The following CFAP61 variants were observed in gnomAD, a reference collection of about 807,000 sequenced individuals.
The protein encoded by CFAP61 is cilia- and flagella-associated protein 61.
Under a neutral mutation model 135.6 loss-of-function variants are expected in CFAP61, and 107 were observed. The observed-to-expected ratio is 0.79, with a 90% CI of 0.67 to 0.93. The LOEUF (loss-of-function observed/expected upper bound fraction) is 0.93, where lower values mean the gene tolerates loss of function less well. Among genes scored for constraint, CFAP61 ranks in the 40% least tolerant of loss-of-function variants. CFAP61 has a pLI of 0.00. For missense variants in CFAP61, 1,507 were observed against 1,556.2 expected, an observed-to-expected ratio of 0.97 and a Z score of 0.53; for synonymous variants, 575 against 578.5, an observed-to-expected ratio of 0.99 and a Z score of 0.09.
intron 25 of CFAP61, among the ~76,000 whole-genome samples, chr20:20,319,781 T>C (rs961657278): frequency 6.6e-6 from 1 of 152,202 alleles, no homozygotes; most frequent in African/African-American, 2.4e-5. Context: ...TTAGTGCTCA[T>C]AAATGAAGGA....
chr20:20,234,236 C>A (rs1201452235), intron 18 of CFAP61, among the ~76,000 whole-genome samples: 2 of 152,176 alleles, frequency 1.3e-5, no homozygotes, highest in African/African-American at 4.8e-5. Flanking sequence ...CTGTGGACAT[C>A]TGAGGTCAGA....
chr20:20,270,677 A>C (rs990609157), intron 21 of CFAP61, among the ~76,000 whole-genome samples: 6 of 106,342 alleles, frequency 5.6e-5, no homozygotes, highest in African/African-American at 2.3e-4. Flanking sequence ...TTGGTGCATT[A>C]TTCTTTTTTT....
intron 8 of CFAP61, among the ~76,000 whole-genome samples, chr20:20,106,623 T>G (rs1285405528): frequency 2.0e-5 from 3 of 152,252 alleles, no homozygotes; most frequent in Non-Finnish European, 4.4e-5. Context: ...GTGCTGGGAT[T>G]ATTTTCTCAG....
At chr20:20,161,412 C>A (rs1294194017) in intron 10 of CFAP61, among the ~76,000 whole-genome samples, 1 of 152,066 alleles carries the variant, frequency 6.6e-6, no homozygotes, top group Non-Finnish European at 1.5e-5. Context: ...GGGCACAAAT[C>A]CACAAAGGTG....
At chr20:20,167,720 C>G (rs551131886) in intron 12 of CFAP61, among the ~76,000 whole-genome samples, 3 of 152,196 alleles carry the variant, frequency 2.0e-5, no homozygotes, top group Non-Finnish European at 4.4e-5. Context: ...CTCAGGTTCC[C>G]CAAAAGGAGT....
At chr20:20,224,522 T>A (rs192171139) in intron 17 of CFAP61, among the ~76,000 whole-genome samples, 131 of 152,306 alleles carry the variant, frequency 8.6e-4, no homozygotes, top group African/African-American at 3.1e-3. Context: ...AAGGTTAGCT[T>A]ATACACCATG....
At chr20:20,151,154 A>C (rs1056513282) in intron 9 of CFAP61, among the ~76,000 whole-genome samples, 1 of 152,138 alleles carries the variant, frequency 6.6e-6, no homozygotes, top group African/African-American at 2.4e-5. Flanking sequence ...ATTTTTTAAA[A>C]AAATACAAGA....
chr20:20,152,349 G>T (rs1280013134), intron 9 of CFAP61, among the ~76,000 whole-genome samples: 1 of 149,480 alleles, frequency 6.7e-6, no homozygotes, highest in Non-Finnish European at 1.5e-5. Flanking sequence ...CTAGCATGTT[G>T]AATAAAACAG....
intron 17 of CFAP61, among the ~76,000 whole-genome samples, chr20:20,223,869 A>C (rs891100253): frequency 6.6e-6 from 1 of 152,250 alleles, no homozygotes; most frequent in Non-Finnish European, 1.5e-5. Flanking sequence ...AAAAGATCAA[A>C]TTTAATCCTA....
chr20:20,326,310 C>A (rs1371884252), intron 25 of CFAP61, among the ~76,000 whole-genome samples: 8 of 151,914 alleles, frequency 5.3e-5, no homozygotes, highest in Non-Finnish European at 1.0e-4. Context: ...TTTTTGATAT[C>A]TTTTTTTATA....
intron 21 of CFAP61, among the ~76,000 whole-genome samples, chr20:20,276,081 AG>A (rs1187733244): frequency 6.6e-6 from 1 of 152,256 alleles, no homozygotes; most frequent in African/African-American, 2.4e-5. Flanking sequence ...TTAGCTTCCA[AG>A]AAGCCATCTG....
At chr20:20,102,097 A>G (rs983849838) in intron 8 of CFAP61, among the ~76,000 whole-genome samples, 1 of 152,154 alleles carries the variant, frequency 6.6e-6, no homozygotes, top group African/African-American at 2.4e-5. Flanking sequence ...GTGAAAGGCC[A>G]CTCTGACCTA....
At chr20:20,318,838 C>T (rs2057284930) in intron 25 of CFAP61, among the ~76,000 whole-genome samples, 1 of 152,254 alleles carries the variant, frequency 6.6e-6, no homozygotes, top group Non-Finnish European at 1.5e-5. Flanking sequence ...TTTCCTTAAA[C>T]ATCAGTTACT....
intron 25 of CFAP61, among the ~76,000 whole-genome samples, chr20:20,314,460 G>A (rs1048374799): frequency 6.6e-6 from 1 of 150,480 alleles, no homozygotes; most frequent in African/African-American, 2.4e-5. Context: ...TAGCAGTGGG[G>A]GTCCTTCAAA....
Position 20,169,416 on chromosome 20 carries a change from C to G in CFAP61, c.1341C>G (p.Thr447=). Residue 447 remains threonine, a synonymous_variant, in exon 13 of 27, where the codon ACC becomes ACG. Coordinates refer to ENST00000245957, the MANE Select transcript of CFAP61 (RefSeq NM_015585.4). The part of the protein sequence containing the change: ...FVKMVPFNTC[T]LEQDLYVFHR... ...AAATGGTCCCTTTCAACACCTGCACCCTCGAGCAGGACCTCTACGTCTTCC... is the reference window on the plus strand; with the variant it reads ...AAATGGTCCCTTTCAACACCTGCACGCTCGAGCAGGACCTCTACGTCTTCC... 6.2e-7 allele frequency: 1 copy of G among 1,613,932 alleles called. No individual in the cohort carries two copies.
intron 24 of CFAP61, 138 bp from the exon 25 acceptor site, chr20:20,298,043 A>G (rs943259449): frequency 1.6e-6 from 1 of 629,764 alleles, no homozygotes; most frequent in African/African-American, 1.8e-5. Flanking sequence ...AGTTTAGTCA[A>G]TATCTATTAC....
chr20:20,283,726 C>T lies in CFAP61; in HGVS notation c.2797-4883C>T, dbSNP rs1371341466. 2.0e-5 allele frequency among the ~76,000 whole-genome samples: 3 copies of T among 152,210 alleles called. No homozygotes were observed. In the East Asian group the frequency reaches 5.8e-4, roughly 29 times the overall value. On this transcript the variant is annotated intron_variant, in intron 22 of 26. Coordinates refer to ENST00000245957, the MANE Select transcript of CFAP61 (RefSeq NM_015585.4). ...TCCTTGCAGCTGAGGACAGAGGTCC[C>T]CACTTCCTTGCTGGCCCAGCCAGGG...
Position 20,152,854 on chromosome 20 carries a change from C to A in CFAP61, c.952-6516C>A, listed in dbSNP as rs138368582. Among the ~76,000 whole-genome samples the A allele has an allele frequency of 7.2e-4, 110 of 152,180 alleles. 1 individual carries two copies. Among genetic ancestry groups the A allele is most frequent in the African/African-American group, 2.5e-3 (103 of 41,536 alleles). The stretch of plus-strand genomic sequence containing the variant: ...ACAAAAAAAATGCACTTAAACTATA[C>A]CCTAGAACTAATGGACTTAACAGAT... On this transcript the variant is annotated intron_variant, in intron 9 of 26. Transcript: ENST00000245957.
chr20:20,265,770 C>T (rs910650822), intron 21 of CFAP61: 4 of 323,684 alleles, frequency 1.2e-5, no homozygotes. Flanking sequence ...TGTAGAGGCC[C>T]TTTTCAAGTA....
Sources: gnomAD v4.1 joint callset for allele counts (sites outside exome capture counted in the v4.1 genomes callset) on GRCh38, gnomAD v4.1.1 for gene constraint, MANE v1.5 for transcripts, NCBI Gene and HGNC (gene_info 2026-07-23, HGNC 2026-07-21) for gene names.